The following C1orf21 variants were observed in gnomAD, a reference collection of about 807,000 sequenced individuals.
C1orf21 encodes uncharacterized protein C1orf21.
Under a neutral mutation model 18.7 loss-of-function variants are expected in C1orf21, and 3 were observed. The ratio of observed to expected loss-of-function variants is 0.16; its 90% confidence interval spans 0.07 to 0.42. The LOEUF (loss-of-function observed/expected upper bound fraction) is 0.42. Ranked by LOEUF, C1orf21 falls within the 10% of genes least tolerant of loss-of-function variation. The pLI is 0.99. For missense variants in C1orf21, 104 were observed against 143.6 expected (o/e 0.72, Z 1.41); for synonymous variants, 41 against 46.4 (o/e 0.88, Z 0.47).
At chr1:184,433,382 A>G (rs1228330067) in intron 1 of C1orf21, among the ~76,000 whole-genome samples, 1 of 152,186 alleles carries the variant, frequency 6.6e-6, no homozygotes, top group Non-Finnish European at 1.5e-5. Context: ...TCATGCATTC[A>G]TAGTGTCATC....
intron 1 of C1orf21, among the ~76,000 whole-genome samples, chr1:184,474,812 G>A (rs1260941008): frequency 6.6e-6 from 1 of 152,160 alleles, no homozygotes; most frequent in Non-Finnish European, 1.5e-5. Context: ...ATATGTGTAA[G>A]TGTGAAGTCG....
At chr1:184,508,035 G>C (rs1469247586) in intron 3 of C1orf21, among the ~76,000 whole-genome samples, 2 of 152,130 alleles carry the variant, frequency 1.3e-5, no homozygotes, top group Non-Finnish European at 2.9e-5. Flanking sequence ...AAATCAGGAT[G>C]AATGGTTGTT....
intron 1 of C1orf21, among the ~76,000 whole-genome samples, chr1:184,419,631 T>C (rs1656513553): frequency 6.6e-6 from 1 of 151,336 alleles, no homozygotes; most frequent in African/African-American, 2.4e-5. Context: ...AAGTGTTTAG[T>C]ACTAGGGGAA....
intron 5 of C1orf21, among the ~76,000 whole-genome samples, chr1:184,604,235 C>T (rs981420307): frequency 6.6e-6 from 1 of 152,066 alleles, no homozygotes. Context: ...TGTGTAAAGA[C>T]CTGCTTAGTG....
intron 3 of C1orf21, among the ~76,000 whole-genome samples, chr1:184,509,198 G>GT (rs891319623): frequency 3.3e-5 from 5 of 152,156 alleles, no homozygotes; most frequent in Non-Finnish European, 7.3e-5. Context: ...TAGTTTGTGA[G>GT]TTTTTTCTCA....
chr1:184,446,819 G>A (rs1186424859), intron 1 of C1orf21, among the ~76,000 whole-genome samples: 1 of 148,766 alleles, frequency 6.7e-6, no homozygotes, highest in Non-Finnish European at 1.5e-5. Flanking sequence ...TTTAAGGTGT[G>A]ATAGTGGTAG....
intron 1 of C1orf21, among the ~76,000 whole-genome samples, chr1:184,474,497 T>C (rs562703983): frequency 4.8e-4 from 73 of 152,320 alleles, no homozygotes; most frequent in Non-Finnish European, 4.3e-4. Context: ...CAAATAAAAT[T>C]TTTTTGTGCA....
intron 3 of C1orf21, among the ~76,000 whole-genome samples, chr1:184,513,174 A>T (rs1658177114): frequency 6.6e-6 from 1 of 152,238 alleles, no homozygotes; most frequent in Non-Finnish European, 1.5e-5. Flanking sequence ...GGACCACTGT[A>T]TTAAAGTATT....
At chr1:184,600,457 C>T (rs868610646) in intron 5 of C1orf21, among the ~76,000 whole-genome samples, 21 of 152,234 alleles carry the variant, frequency 1.4e-4, no homozygotes, top group African/African-American at 4.6e-4. Context: ...GTTGAGCCAC[C>T]GTGCCTGGCC....
chr1:184,593,690 G>C (rs1659475899), intron 4 of C1orf21, among the ~76,000 whole-genome samples: 1 of 152,164 alleles, frequency 6.6e-6, no homozygotes, highest in Non-Finnish European at 1.5e-5. Flanking sequence ...GGCATTGTCT[G>C]GCACTTGGTA....
At chr1:184,502,084 G>T (rs1657983581) in intron 2 of C1orf21, among the ~76,000 whole-genome samples, 1 of 152,106 alleles carries the variant, frequency 6.6e-6, no homozygotes, top group East Asian at 1.9e-4. Flanking sequence ...TATTAGTGAG[G>T]CTGCACTGAG....
rs551714674 is a variant in C1orf21 at position 184,387,685 on chromosome 1, G to A, written c.-125+317G>A. ...ACGACTTTCGTCACATCGAGGCCTG[G>A]GTGGCTGGTGTTAGACACCCCTCCC... On this transcript the variant is annotated intron_variant, in intron 1 of 5. Coordinates refer to ENST00000235307, the MANE Select transcript of C1orf21 (RefSeq NM_030806.4). The surrounding 1 kb of genome is among the most constrained non-coding windows in gnomAD (Gnocchi z 5.6). 6.6e-6 allele frequency among the ~76,000 whole-genome samples: 1 copy of A among 152,280 alleles called. No homozygotes were observed. The highest frequency in any genetic ancestry group is 1.9e-4 in the East Asian group (1 of 5,156).
intron 4 of C1orf21, among the ~76,000 whole-genome samples, chr1:184,591,750 G>A (rs1396729220): frequency 1.3e-5 from 2 of 151,792 alleles, no homozygotes; most frequent in South Asian, 2.1e-4. Flanking sequence ...AGCTTGCAGT[G>A]AGCAGAGATG....
intron 3 of C1orf21, among the ~76,000 whole-genome samples, chr1:184,571,153 C>T (rs528805934): frequency 9.2e-5 from 14 of 151,852 alleles, no homozygotes; most frequent in South Asian, 6.2e-4. Flanking sequence ...AAAAATTAGC[C>T]GGGCGTAGTG....
intron 2 of C1orf21, among the ~76,000 whole-genome samples, chr1:184,479,785 C>T (rs922860401): frequency 4.6e-5 from 7 of 151,758 alleles, no homozygotes; most frequent in African/African-American, 1.7e-4. Context: ...TCACACCTGG[C>T]TAATTTTTTA....
chr1:184,585,646 G>A (rs1217599091), intron 3 of C1orf21, among the ~76,000 whole-genome samples: 1 of 152,118 alleles, frequency 6.6e-6, no homozygotes, highest in Non-Finnish European at 1.5e-5. Context: ...ATAGGACCCA[G>A]TGTGTGATGT....
intron 2 of C1orf21, among the ~76,000 whole-genome samples, chr1:184,488,917 A>T (rs1657772909): frequency 6.6e-6 from 1 of 152,166 alleles, no homozygotes; most frequent in Non-Finnish European, 1.5e-5. Context: ...GTGAGCCAAG[A>T]TCATGCCACT....
At chr1:184,584,760 TATGCTAC>T (rs1659329914) in intron 3 of C1orf21, among the ~76,000 whole-genome samples, 2 of 152,246 alleles carry the variant, frequency 1.3e-5, no homozygotes, top group Non-Finnish European at 2.9e-5. Context: ...AATACTGTTA[TATGCTAC>T]AATTTGGATG....
intron 3 of C1orf21, among the ~76,000 whole-genome samples, chr1:184,573,018 G>A (rs2101990832): frequency 6.6e-6 from 1 of 151,680 alleles, no homozygotes; most frequent in Middle Eastern, 3.4e-3. Context: ...CATGGTGTAG[G>A]CACTCTCTCA....
Sources: gnomAD v4.1 joint callset for allele counts (sites outside exome capture counted in the v4.1 genomes callset) on GRCh38, gnomAD v4.1.1 for gene constraint, Gnocchi (gnomAD v3.1) non-coding constraint, MANE v1.5 for transcripts, NCBI Gene and HGNC (gene_info 2026-07-23, HGNC 2026-07-21) for gene names.